Variants in ABCC8 observed in about 807,000 individuals in gnomAD.
The protein encoded by ABCC8 is ATP-binding cassette sub-family C member 8.
A neutral mutation model predicts 188.0 loss-of-function variants in ABCC8; 137 were observed. The observed-to-expected ratio is 0.73, with a 90% CI of 0.63 to 0.84. The LOEUF (loss-of-function observed/expected upper bound fraction) is 0.84, where lower values mean the gene tolerates loss of function less well. Among genes scored for constraint, ABCC8 ranks in the 40% least tolerant of loss-of-function variants. ABCC8 has a pLI of 0.00. For missense variants in ABCC8, 1,750 were observed against 2,072.7 expected, an observed-to-expected ratio of 0.84 and a Z score of 3.02; for synonymous variants, 797 against 846.5, an observed-to-expected ratio of 0.94 and a Z score of 1.01.
At chr11:17,451,166 T>C (rs6486370) in intron 7 of ABCC8, among the ~76,000 whole-genome samples, 4,821 of 152,084 alleles carry the variant, frequency 0.032, 103 homozygotes, top group South Asian at 0.074. Context: ...CATACACACA[T>C]TAGTATATTT....
At chr11:17,461,027 G>A in intron 5 of ABCC8, 1 of 384,988 alleles carries the variant, frequency 2.6e-6, no homozygotes, top group Non-Finnish European at 4.9e-6. Flanking sequence ...CTGCCCTGGT[G>A]CGAGGGCAGA....
intron 16 of ABCC8, among the ~76,000 whole-genome samples, chr11:17,420,971 G>C (rs1277918717): frequency 6.6e-6 from 1 of 152,220 alleles, no homozygotes; most frequent in Non-Finnish European, 1.5e-5. Context: ...TAAAGTGAAT[G>C]CTTGGGAACC....
chr11:17,394,045 GT>G (rs1289434074), intron 37 of ABCC8, among the ~76,000 whole-genome samples: 1 of 152,170 alleles, frequency 6.6e-6, no homozygotes, highest in Non-Finnish European at 1.5e-5. Flanking sequence ...TGCAGCTTAT[GT>G]GTGTGTTTGC....
In ABCC8 at chr11:17,413,471, T is replaced by C. The variant is rs1384355459; in HGVS notation, c.2398A>G (p.Met800Val). Residue 800 changes from methionine to valine, a missense_variant, in exon 20 of 39, where the codon ATG becomes GTG. Coordinates refer to ENST00000389817, the MANE Select transcript of ABCC8 (RefSeq NM_000352.6). The stretch of plus-strand genomic sequence containing the variant: ...TGCAGAGAGCAGGCTTCAATGACCA[T>C]CTTGTACCTGGCGTGGGTAGAGGCA... ...ESPFNKQRYK[M>V]VIEACSLQPD... The C allele has an allele frequency of 1.2e-6, 2 of 1,613,948 alleles. No individual in the cohort carries two copies. Among genetic ancestry groups the C allele is most frequent in the East Asian group, 2.2e-5 (1 of 44,874 alleles).
At chr11:17,413,509 G>T (rs1214529264) in intron 19 of ABCC8, 31 bp from the exon 20 acceptor site, 1 of 1,612,920 alleles carries the variant, frequency 6.2e-7, no homozygotes, top group Non-Finnish European at 8.5e-7. Context: ...GGATGCAGCT[G>T]GTCAGCCTGG....
chr11:17,416,883 C>A (rs768654796), intron 17 of ABCC8, 47 bp downstream of exon 17: 6 of 1,608,652 alleles, frequency 3.7e-6, no homozygotes, highest in Non-Finnish European at 5.1e-6. Context: ...CCACCCTACC[C>A]CTTCCCTTTG....
chr11:17,404,250 T>C lies in ABCC8; in HGVS notation c.3557+262A>G, dbSNP rs146050708. ...ATGAAGGGCATAAAATGTGCATTTA[T>C]CATGACCTAGCAATTCCAGTCCTGA... On this transcript the variant is annotated intron_variant, in intron 28 of 38. Transcript: ENST00000389817. The surrounding 1 kb of genome is among the most constrained non-coding windows in gnomAD (Gnocchi z 4.7). 1.7e-3 allele frequency among the ~76,000 whole-genome samples: 265 copies of C among 152,334 alleles called. 1 individual carries two copies. Among genetic ancestry groups the C allele is most frequent in the East Asian group, 0.014 (71 of 5,188 alleles).
At chr11:17,428,436 G>A (rs769017955) in intron 13 of ABCC8, 31 bp from the exon 14 acceptor site, 2 of 1,608,854 alleles carry the variant, frequency 1.2e-6, no homozygotes, top group South Asian at 1.1e-5. Flanking sequence ...AGGACCCACT[G>A]GGCTGGGAGC....
At chr11:17,453,888 G>A (rs1321860737) in intron 6 of ABCC8, among the ~76,000 whole-genome samples, 2 of 152,138 alleles carry the variant, frequency 1.3e-5, no homozygotes, top group Admixed American at 6.5e-5. Flanking sequence ...GTTCTCTTGT[G>A]TACTTCCGGC....
rs67254669 is a variant in ABCC8 at position 17,448,596 on chromosome 11, A to G, written c.1252T>C (p.Cys418Arg). Residue 418 changes from cysteine to arginine, a missense_variant, in exon 8 of 39, where the codon TGT becomes CGT. By Grantham distance (180) the Cys-to-Arg change is radical (BLOSUM62 -3). Transcript: ENST00000389817. ...SMGEMTAGQI[C>R]NLVAIDTNQL... ...TTGGTGTCGATGGCAACCAGATTACAGATCTGTCCAGCAGTCATTTCTCCC... is the reference window on the plus strand; with the variant it reads ...TTGGTGTCGATGGCAACCAGATTACGGATCTGTCCAGCAGTCATTTCTCCC... The G allele has an allele frequency of 9.2e-4, 1,493 of 1,614,244 alleles. 1 individual carries two copies. Among genetic ancestry groups the G allele is most frequent in the Non-Finnish European group, 1.1e-3 (1,319 of 1,180,038 alleles).
rs1404496110 is a variant in ABCC8 at position 17,476,796 on chromosome 11, G to GGGCTCGGGCTC, written c.-31_-21dup. On this transcript the variant is annotated 5_prime_UTR_variant, in exon 1 of 39. Coordinates refer to ENST00000389817, the MANE Select transcript of ABCC8 (RefSeq NM_000352.6). ...GGGCATGGCGGCGCGGGCGCGGGCT[G>GGGCTCGGGCTC]GGCTCGGGCTCAGCTGGCTCCGCTG... 13 of 1,531,166 alleles carry GGGCTCGGGCTC rather than the reference G, an allele frequency of 8.5e-6. No homozygotes were observed. The African/African-American group carries it at 8.5e-5, about 10-fold the overall frequency. The allele number at this position is 1,531,166 out of a possible 1,614,324, so 94.8% of individuals were successfully genotyped here.
At chr11:17,428,472 C>T in intron 13 of ABCC8, 67 bp from the exon 14 acceptor site, 1 of 1,601,926 alleles carries the variant, frequency 6.2e-7, no homozygotes, top group Non-Finnish European at 8.5e-7. Flanking sequence ...GCCCCTCTTC[C>T]TGGGAAAAAA....
chr11:17,411,891 CTT>C (rs1262103548), intron 21 of ABCC8, among the ~76,000 whole-genome samples: 2,582 of 122,896 alleles, frequency 0.021, 65 homozygotes, highest in African/African-American at 0.076. Context: ...CGAATACGTT[CTT>C]TTTTTTTTTT....
chr11:17,438,422 G>A (rs1956189280), intron 10 of ABCC8, among the ~76,000 whole-genome samples: 2 of 152,186 alleles, frequency 1.3e-5, no homozygotes, highest in South Asian at 4.1e-4. Flanking sequence ...CACAAGACTG[G>A]GAGGGCCAGG....
At chr11:17,469,989 T>C in intron 3 of ABCC8, 112 bp downstream of exon 3, 1 of 1,403,176 alleles carries the variant, frequency 7.1e-7, no homozygotes, top group South Asian at 1.2e-5. Context: ...TTTCTTTTTC[T>C]ATTCCAAATC....
intron 3 of ABCC8, among the ~76,000 whole-genome samples, chr11:17,468,067 G>A (rs775763901): frequency 1.4e-4 from 21 of 152,152 alleles, no homozygotes; most frequent in Non-Finnish European, 2.8e-4. Context: ...ATGGAAGCAG[G>A]GTGGCTCTCT....
At chr11:17,436,575 T>C (rs1466070991) in intron 10 of ABCC8, among the ~76,000 whole-genome samples, 1 of 152,206 alleles carries the variant, frequency 6.6e-6, no homozygotes, top group African/African-American at 2.4e-5. Context: ...AAGAACATTA[T>C]AGTGCTCAGA....
At chr11:17,405,369 G>C in intron 27 of ABCC8, 125 bp downstream of exon 27, 1 of 1,456,348 alleles carries the variant, frequency 6.9e-7, no homozygotes, top group Non-Finnish European at 9.6e-7. Context: ...TCGGATCGGG[G>C]ACACTGGCTT....
At chr11:17,461,095 G>C (rs1379371154) in intron 5 of ABCC8, 1 of 343,424 alleles carries the variant, frequency 2.9e-6, no homozygotes, top group African/African-American at 2.1e-5. Context: ...CCTGCCAGCT[G>C]TGGCCAGCTC....
Sources: gnomAD v4.1 joint callset for allele counts (sites outside exome capture counted in the v4.1 genomes callset) on GRCh38, gnomAD v4.1.1 for gene constraint, Gnocchi (gnomAD v3.1) non-coding constraint, MANE v1.5 for transcripts, NCBI Gene and HGNC (gene_info 2026-07-23, HGNC 2026-07-21) for gene names.